The following UTRN variants were observed in gnomAD, a reference collection of about 807,000 sequenced individuals.
The protein encoded by UTRN is utrophin, also known as dystrophin-related protein 1.
Under a neutral mutation model 463.9 loss-of-function variants are expected in UTRN, and 283 were observed. The ratio of observed to expected loss-of-function variants is 0.61; its 90% CI spans 0.55 to 0.67. UTRN has a LOEUF of 0.67. Among genes scored for constraint, UTRN ranks in the 30% least tolerant of loss-of-function variants. The pLI, the probability that UTRN is intolerant of heterozygous loss-of-function variation, is 0.00. For synonymous variants in UTRN, 1,442 were observed against 1,431.5 expected (o/e 1.01, Z -0.17); for missense variants, 3,922 against 4,084.3 (o/e 0.96, Z 1.08).
At position 144,435,195 on chromosome 6, in the gene UTRN, TTGATAAAGTAGAGAC is replaced by T. The variant is rs371547614; in HGVS notation, c.856-739_856-725del. On this transcript the variant is annotated intron_variant, in intron 9 of 74. Coordinates refer to ENST00000367545, the MANE Select transcript of UTRN (RefSeq NM_007124.3). ...TGTACTTAAAAATCATGCATGAGAG[TTGATAAAGTAGAGAC>T]AGAATGTAGGCAAGTCTTCAAGAAA... 7.9e-5 allele frequency among the ~76,000 whole-genome samples: 12 copies of T among 152,170 alleles called. No individual in the cohort carries two copies. In the East Asian group the frequency reaches 2.3e-3, roughly 29 times the overall value.
chr6:144,618,062 A>G (rs965758252), intron 51 of UTRN, among the ~76,000 whole-genome samples: 1 of 152,220 alleles, frequency 6.6e-6, no homozygotes, highest in African/African-American at 2.4e-5. Context: ...AAAAGAGAAT[A>G]CATGTGAGTG....
intron 66 of UTRN, among the ~76,000 whole-genome samples, chr6:144,822,974 T>C (rs573206756): frequency 2.0e-5 from 3 of 152,290 alleles, no homozygotes; most frequent in African/African-American, 7.2e-5. Flanking sequence ...GCATATTTTA[T>C]ACTCCTTTAA....
At chr6:144,471,080 GA>G (rs1461616962) in intron 23 of UTRN, among the ~76,000 whole-genome samples, 2 of 112,210 alleles carry the variant, frequency 1.8e-5, no homozygotes, top group South Asian at 4.0e-4. Flanking sequence ...GGGGGCGAGG[GA>G]GGGGGAGGGG....
At chr6:144,654,630 C>T (rs1779144175) in intron 51 of UTRN, among the ~76,000 whole-genome samples, 1 of 152,174 alleles carries the variant, frequency 6.6e-6, no homozygotes. Context: ...TTTCCCAGAG[C>T]CCTGTGGATT....
intron 32 of UTRN, 95 bp downstream of exon 32, chr6:144,491,197 C>T: frequency 8.1e-7 from 1 of 1,239,444 alleles, no homozygotes; most frequent in East Asian, 2.4e-5. Context: ...CCAGTGATCA[C>T]TAGTCTACAG....
intron 2 of UTRN, chr6:144,331,146 G>T: frequency 1.7e-6 from 1 of 580,098 alleles, no homozygotes; most frequent in Non-Finnish European, 2.2e-6. Context: ...AAATTATTTT[G>T]TCCTCTGGGT....
intron 2 of UTRN, among the ~76,000 whole-genome samples, chr6:144,325,264 T>C (rs1298779018): frequency 2.0e-5 from 3 of 152,244 alleles, no homozygotes; most frequent in Admixed American, 6.5e-5. Context: ...GATTAGGTCA[T>C]GAGAGCTCTG....
Position 144,448,951 on chromosome 6 carries a change from T to C in UTRN, c.2072+182T>C, listed in dbSNP as rs574563598. On this transcript the variant is annotated intron_variant, in intron 17 of 74. Transcript: ENST00000367545. ...GTCTTCTGAATATTCTACTTGGCAC[T>C]AGCTAAGCATCCAAATTTTCTTGGA... 6.6e-5 allele frequency among the ~76,000 whole-genome samples: 10 copies of C among 152,328 alleles called. No individual in the cohort carries two copies. The South Asian group carries it at 2.1e-3, about 32-fold the overall frequency.
intron 51 of UTRN, among the ~76,000 whole-genome samples, chr6:144,586,986 C>A (rs1054133026): frequency 9.9e-5 from 15 of 152,136 alleles, no homozygotes; most frequent in Non-Finnish European, 1.9e-4. Context: ...AAACATCTAG[C>A]TGTATATAGA....
intron 2 of UTRN, among the ~76,000 whole-genome samples, chr6:144,307,001 G>A (rs1197918360): frequency 6.6e-6 from 1 of 151,854 alleles, no homozygotes; most frequent in African/African-American, 2.4e-5. Context: ...GGAGGTGGAG[G>A]CTGCGGTGAG....
intron 2 of UTRN, among the ~76,000 whole-genome samples, chr6:144,294,691 A>G (rs1041753899): frequency 3.3e-5 from 5 of 152,120 alleles, no homozygotes; most frequent in Non-Finnish European, 7.3e-5. Flanking sequence ...GCATAATTAA[A>G]TTGGCATAAT....
At chr6:144,297,987 A>G (rs1053413170) in intron 2 of UTRN, among the ~76,000 whole-genome samples, 1 of 152,186 alleles carries the variant, frequency 6.6e-6, no homozygotes, top group African/African-American at 2.4e-5. Context: ...TGCTGATATG[A>G]TGATTTTTCT....
intron 51 of UTRN, among the ~76,000 whole-genome samples, chr6:144,634,740 G>A (rs1420463438): frequency 6.6e-6 from 1 of 152,122 alleles, no homozygotes; most frequent in Non-Finnish European, 1.5e-5. Context: ...GCCATTCTGA[G>A]TATTTCATAT....
chr6:144,787,547 C>A (rs1379879537), intron 61 of UTRN, among the ~76,000 whole-genome samples: 2 of 152,104 alleles, frequency 1.3e-5, no homozygotes, highest in Non-Finnish European at 2.9e-5. Flanking sequence ...TTGCACCAAT[C>A]CCTAAGCACG....
chr6:144,306,532 G>T (rs1805755654), intron 2 of UTRN, among the ~76,000 whole-genome samples: 1 of 152,118 alleles, frequency 6.6e-6, no homozygotes, highest in African/African-American at 2.4e-5. Flanking sequence ...ACTCGCAAAT[G>T]AAGCCTTTCT....
Position 144,700,262 on chromosome 6 carries a change from G to T in UTRN, c.7809+19G>T. The T allele has an allele frequency of 6.3e-7, 1 of 1,597,008 alleles. No individual in the cohort carries two copies. ...TTGTAAGGTAAGTGGATAACCTATA[G>T]TGAGTCGCTTAATTCAAATTCTAGT... On this transcript the variant is annotated intron_variant, in intron 53 of 74. Coordinates refer to ENST00000367545, the MANE Select transcript of UTRN (RefSeq NM_007124.3).
rs193065193 is a variant in UTRN, at chr6:144,302,249, G to A, written c.79+10342G>A. Among the ~76,000 whole-genome samples, 459 of 152,230 alleles carry A rather than the reference G, an allele frequency of 3.0e-3. 1 individual carries two copies. Among genetic ancestry groups the A allele is most frequent in the Non-Finnish European group, 4.1e-3 (276 of 68,016 alleles). On this transcript the variant is annotated intron_variant, in intron 2 of 74. Transcript: ENST00000367545. ...CTTGTGGCCGTGTGCAGTGGCTCAT[G>A]CCTGTAATCCCAGCACTTTGGGAGG... is the stretch of plus-strand genomic sequence containing the variant.
chr6:144,676,134 G>T (rs1395156847), intron 51 of UTRN, among the ~76,000 whole-genome samples: 2 of 150,078 alleles, frequency 1.3e-5, no homozygotes, highest in Non-Finnish European at 3.0e-5. Context: ...AATTGTTTTG[G>T]ATAAATCAGT....
intron 50 of UTRN, among the ~76,000 whole-genome samples, chr6:144,560,962 G>T (rs945961578): frequency 1.3e-5 from 2 of 151,222 alleles, no homozygotes; most frequent in Non-Finnish European, 2.9e-5. Context: ...TGATTTTTTG[G>T]ATTCTTTGAA....
Sources: allele counts gnomAD v4.1 joint callset (sites outside exome capture counted in the v4.1 genomes callset), GRCh38; gene constraint gnomAD v4.1.1; transcripts MANE v1.5; gene names NCBI Gene and HGNC (gene_info 2026-07-23, HGNC 2026-07-21).